Variants in PRKG1 observed in about 807,000 individuals in gnomAD.
PRKG1 encodes protein kinase cGMP-dependent 1.
In PRKG1, 35 loss-of-function variants were observed where a neutral mutation model predicts 88.1. The ratio of observed to expected loss-of-function variants is 0.40; its 90% confidence interval spans 0.30 to 0.53. The LOEUF (loss-of-function observed/expected upper bound fraction) is 0.53. Ranked by LOEUF, PRKG1 falls within the 20% of genes least tolerant of loss-of-function variation. PRKG1 has a pLI of 0.59. For synonymous variants in PRKG1, 303 were observed against 292.5 expected, an observed-to-expected ratio of 1.04 and a Z score of -0.37; for missense variants, 540 against 839.8, an observed-to-expected ratio of 0.64 and a Z score of 4.41.
intron 8 of PRKG1, among the ~76,000 whole-genome samples, chr10:52,140,069 T>C (rs1837534673): frequency 6.6e-6 from 1 of 152,202 alleles, no homozygotes; most frequent in South Asian, 2.1e-4. Context: ...AGAAGTATTA[T>C]TCAGCATTTG....
intron 8 of PRKG1, among the ~76,000 whole-genome samples, chr10:52,150,932 C>T (rs1334907861): frequency 6.6e-6 from 1 of 152,008 alleles, no homozygotes; most frequent in Non-Finnish European, 1.5e-5. Context: ...ATTGATATGT[C>T]TATATAAACT....
At chr10:51,743,052 AAG>A (rs373318408) in intron 3 of PRKG1, among the ~76,000 whole-genome samples, 3 of 151,558 alleles carry the variant, frequency 2.0e-5, no homozygotes, top group Admixed American at 6.6e-5. Flanking sequence ...TAAAATTAAA[AAG>A]AGAGAGAGAG....
chr10:51,489,880 T>C (rs912022849), intron 3 of PRKG1, among the ~76,000 whole-genome samples: 1 of 152,168 alleles, frequency 6.6e-6, no homozygotes, highest in African/African-American at 2.4e-5. Context: ...ATTTTCAGAT[T>C]ATTAAGAATG....
chr10:51,830,461 C>A lies in PRKG1; in HGVS notation c.698+25771C>A, dbSNP rs900965920. 3.3e-5 allele frequency among the ~76,000 whole-genome samples: 5 copies of A among 151,594 alleles called. No individual in the cohort carries two copies. The East Asian group carries it at 5.8e-4, about 18-fold the overall frequency. ...ACATACACATTCACTAATAATAGGACAGTTTGGCTTATTTGTTCTTTCTAG... is the reference window on the plus strand; with the variant it reads ...ACATACACATTCACTAATAATAGGAAAGTTTGGCTTATTTGTTCTTTCTAG... On this transcript the variant is annotated intron_variant, in intron 4 of 17. Transcript: ENST00000373980.
intron 2 of PRKG1, among the ~76,000 whole-genome samples, chr10:51,249,320 A>G (rs1839371905): frequency 6.6e-6 from 1 of 151,918 alleles, no homozygotes; most frequent in Admixed American, 6.6e-5. Flanking sequence ...AATTATCAAC[A>G]TTAGAAAATG....
chr10:52,062,823 A>G (rs1367559434), intron 7 of PRKG1, 192 bp downstream of exon 7: 2 of 718,116 alleles, frequency 2.8e-6, no homozygotes, highest in Non-Finnish European at 5.2e-6. Flanking sequence ...GTTGTGGAAT[A>G]AATTCCTTAA....
At chr10:51,834,069 T>G (rs1840068054) in intron 4 of PRKG1, among the ~76,000 whole-genome samples, 1 of 152,126 alleles carries the variant, frequency 6.6e-6, no homozygotes, top group South Asian at 2.1e-4. Context: ...AGTATTCCAT[T>G]GTGTATAGGG....
At chr10:51,101,602 G>A (rs74131727) in intron 1 of PRKG1, among the ~76,000 whole-genome samples, 4,451 of 152,096 alleles carry the variant, frequency 0.029, 170 homozygotes, top group African/African-American at 0.084. Context: ...TTAAACAGAT[G>A]CACATATTTC....
intron 3 of PRKG1, among the ~76,000 whole-genome samples, chr10:51,563,021 C>T (rs1001638345): frequency 6.6e-6 from 1 of 152,002 alleles, no homozygotes; most frequent in African/African-American, 2.4e-5. Flanking sequence ...CTCAAGTGAT[C>T]CTCCCACCTT....
At chr10:51,500,798 G>T (rs1273226059) in intron 3 of PRKG1, among the ~76,000 whole-genome samples, 2 of 152,150 alleles carry the variant, frequency 1.3e-5, no homozygotes, top group African/African-American at 4.8e-5. Flanking sequence ...GTAGGCACAG[G>T]ACTCAAGCTT....
chr10:51,946,260 G>C lies in PRKG1; in HGVS notation c.762+38690G>C, dbSNP rs1022305339. On this transcript the variant is annotated intron_variant, in intron 5 of 17. Transcript: ENST00000373980. ...CTTCCAGTTGATCGCATCGGCTCCT[G>C]AGCCTTCTGCATTCTTCCCATAGTT... Among the ~76,000 whole-genome samples the C allele has an allele frequency of 3.9e-5, 6 of 151,938 alleles. 1 individual carries two copies. Among genetic ancestry groups the C allele is most frequent in the African/African-American group, 1.5e-4 (6 of 41,250 alleles).
At chr10:51,253,115 A>G (rs1839468611) in intron 2 of PRKG1, among the ~76,000 whole-genome samples, 1 of 151,898 alleles carries the variant, frequency 6.6e-6, no homozygotes, top group Non-Finnish European at 1.5e-5. Flanking sequence ...ACAGTTGTCA[A>G]TATTAGTATG....
chr10:52,085,807 T>C (rs1011037462), intron 7 of PRKG1, among the ~76,000 whole-genome samples: 2 of 152,160 alleles, frequency 1.3e-5, no homozygotes, highest in Admixed American at 6.6e-5. Flanking sequence ...CTATTTTATA[T>C]TTGCATTCCC....
intron 2 of PRKG1, among the ~76,000 whole-genome samples, chr10:51,339,055 A>C (rs1045177564): frequency 1.3e-5 from 2 of 152,180 alleles, no homozygotes; most frequent in African/African-American, 4.8e-5. Context: ...AAATTGTGAG[A>C]AGGGAATTCC....
At chr10:51,215,634 G>T (rs1838352779) in intron 2 of PRKG1, among the ~76,000 whole-genome samples, 1 of 152,072 alleles carries the variant, frequency 6.6e-6, no homozygotes, top group Admixed American at 6.6e-5. Context: ...GTCAAGAAGG[G>T]ATGAAAATGT....
At chr10:51,241,389 TG>T (rs1364782774) in intron 2 of PRKG1, among the ~76,000 whole-genome samples, 1 of 151,982 alleles carries the variant, frequency 6.6e-6, no homozygotes, top group African/African-American at 2.4e-5. Context: ...TTGGGAGAGA[TG>T]TTAGCAAACA....
intron 9 of PRKG1, among the ~76,000 whole-genome samples, chr10:52,202,731 C>T (rs11527238): frequency 0.19 from 29,345 of 151,584 alleles, 3,102 homozygotes; most frequent in Middle Eastern, 0.28. Context: ...TTTAGGGTTT[C>T]GGTATCTTCC....
intron 2 of PRKG1, among the ~76,000 whole-genome samples, chr10:51,192,855 G>A (rs1405666261): frequency 2.0e-5 from 3 of 151,956 alleles, no homozygotes; most frequent in African/African-American, 7.2e-5. Context: ...TACCTTTCAA[G>A]TCATTCATTC....
At chr10:51,609,755 C>A (rs551177968) in intron 3 of PRKG1, among the ~76,000 whole-genome samples, 2 of 152,158 alleles carry the variant, frequency 1.3e-5, no homozygotes, top group African/African-American at 2.4e-5. Context: ...CCAAGCACCA[C>A]GTGTTCTCAC....
Sources: gnomAD v4.1 joint callset for allele counts (sites outside exome capture counted in the v4.1 genomes callset) on GRCh38, gnomAD v4.1.1 for gene constraint, MANE v1.5 for transcripts, NCBI Gene and HGNC (gene_info 2026-07-23, HGNC 2026-07-21) for gene names.